The following PRKCA variants were observed in gnomAD, a reference collection of about 807,000 sequenced individuals.
PRKCA encodes protein kinase C alpha type.
In PRKCA, 27 loss-of-function variants were observed where a neutral mutation model predicts 87.0. The ratio of observed to expected loss-of-function variants is 0.31; its 90% CI spans 0.23 to 0.43. The LOEUF (loss-of-function observed/expected upper bound fraction) is 0.43, where lower values mean the gene tolerates loss of function less well. Among genes scored for constraint, PRKCA ranks in the 20% least tolerant of loss-of-function variants. PRKCA has a pLI of 1.00. For missense variants in PRKCA, 518 were observed against 852.3 expected, an observed-to-expected ratio of 0.61 and a Z score of 4.88; for synonymous variants, 329 against 311.1, an observed-to-expected ratio of 1.06 and a Z score of -0.61.
intron 2 of PRKCA, among the ~76,000 whole-genome samples, chr17:66,385,981 A>G (rs1328944553): frequency 6.6e-6 from 1 of 151,844 alleles, no homozygotes. Flanking sequence ...ACTGGTCTTG[A>G]ACTCCTGACC....
At chr17:66,518,953 T>G (rs1390168490) in intron 3 of PRKCA, among the ~76,000 whole-genome samples, 1 of 152,212 alleles carries the variant, frequency 6.6e-6, no homozygotes, top group Non-Finnish European at 1.5e-5. Flanking sequence ...TATCAAGTGT[T>G]GTGCTATGAT....
At chr17:66,417,999 G>T (rs189786162) in intron 2 of PRKCA, among the ~76,000 whole-genome samples, 120 of 152,222 alleles carry the variant, frequency 7.9e-4, no homozygotes, top group African/African-American at 2.8e-3. Flanking sequence ...CCCCAAATTA[G>T]CCATGTTTGA....
intron 2 of PRKCA, among the ~76,000 whole-genome samples, chr17:66,374,839 T>C (rs936783424): frequency 6.6e-6 from 1 of 150,408 alleles, no homozygotes; most frequent in Non-Finnish European, 1.5e-5. Context: ...GCAGTTCTCA[T>C]GTGTCAGTCT....
At chr17:66,781,112 A>G (rs1568030192) in intron 14 of PRKCA, among the ~76,000 whole-genome samples, 1 of 152,150 alleles carries the variant, frequency 6.6e-6, no homozygotes, top group East Asian at 1.9e-4. Context: ...AAAATAAAAA[A>G]TATAAAAATA....
intron 2 of PRKCA, among the ~76,000 whole-genome samples, chr17:66,440,911 C>A (rs1913703556): frequency 6.6e-6 from 1 of 151,912 alleles, no homozygotes; most frequent in Non-Finnish European, 1.5e-5. Context: ...GCCTGTAATC[C>A]CAGCATTTTG....
intron 5 of PRKCA, chr17:66,676,567 A>G (rs1972339806): frequency 6.6e-6 from 1 of 152,244 alleles, no homozygotes; most frequent in African/African-American, 2.4e-5. Flanking sequence ...GGCCCTGTGG[A>G]TGTCCTACGG....
Position 66,796,811 on chromosome 17 carries a change from C to T in PRKCA, c.1855-7062C>T, listed in dbSNP as rs900595682. ...GCGATGCGGTTGCTAAGGCGCTCCA[C>T]TGTACCCCAGCACTGGGACCTGAAT... On this transcript the variant is annotated intron_variant, in intron 16 of 16. Transcript: ENST00000413366. 55 of 985,284 alleles carry T rather than the reference C, an allele frequency of 5.6e-5. No homozygotes were observed. In the Admixed American group the frequency reaches 2.5e-3, roughly 45 times the overall value. 61.0% of individuals were successfully genotyped at this position (985,284 alleles called of 1,614,324 possible).
chr17:66,493,484 TTCCATCACA>T lies in PRKCA; in HGVS notation c.206-2715_206-2707del, dbSNP rs1414665562. On this transcript the variant is annotated intron_variant, in intron 2 of 16. Coordinates refer to ENST00000413366, the MANE Select transcript of PRKCA (RefSeq NM_002737.3). ...CAGCAACTCTTAGCATGAATCCTGATTCCATCACATGGTGACTCAGCCTTGGGAAAGACC... is the reference window on the plus strand; with the variant it reads ...CAGCAACTCTTAGCATGAATCCTGATTGGTGACTCAGCCTTGGGAAAGACC... Among the ~76,000 whole-genome samples the T allele has an allele frequency of 1.3e-5, 2 of 152,052 alleles. 1 individual carries two copies. The highest frequency in any genetic ancestry group is 3.9e-4 in the East Asian group (2 of 5,180).
intron 3 of PRKCA, 146 bp from the exon 4 acceptor site, chr17:66,641,209 A>T: frequency 1.9e-6 from 1 of 535,864 alleles, no homozygotes; most frequent in Non-Finnish European, 3.4e-6. Flanking sequence ...ACCACCACCC[A>T]TTGTGTGACT....
At chr17:66,677,531 A>G (rs189004480) in intron 5 of PRKCA, 7 of 152,350 alleles carry the variant, frequency 4.6e-5, no homozygotes, top group Admixed American at 3.3e-4. Flanking sequence ...GGCTCTTTTT[A>G]GAAAAGGTTT....
chr17:66,503,215 C>A (rs1216116533), intron 3 of PRKCA, among the ~76,000 whole-genome samples: 1 of 152,074 alleles, frequency 6.6e-6, no homozygotes, highest in Non-Finnish European at 1.5e-5. Flanking sequence ...TTTTTATTTG[C>A]CCCATGTGTT....
chr17:66,352,561 T>TTTG (rs1907810793), intron 2 of PRKCA, among the ~76,000 whole-genome samples: 1 of 128,932 alleles, frequency 7.8e-6, no homozygotes, highest in Non-Finnish European at 1.7e-5. Context: ...TTTTGAGGTT[T>TTTG]TTTTTTTTTT....
At chr17:66,595,601 AG>A (rs1969951320) in intron 3 of PRKCA, among the ~76,000 whole-genome samples, 1 of 151,816 alleles carries the variant, frequency 6.6e-6, no homozygotes, top group African/African-American at 2.4e-5. Flanking sequence ...CTGGGACTAC[AG>A]GTGCCCGCCA....
chr17:66,409,967 A>C (rs1187489021), intron 2 of PRKCA, among the ~76,000 whole-genome samples: 1 of 152,190 alleles, frequency 6.6e-6, no homozygotes, highest in Non-Finnish European at 1.5e-5. Context: ...CAGTTAGTAG[A>C]TCGTGCTGGT....
At chr17:66,737,105 C>T (rs1339918186) in intron 10 of PRKCA, among the ~76,000 whole-genome samples, 1 of 151,772 alleles carries the variant, frequency 6.6e-6, no homozygotes, top group Non-Finnish European at 1.5e-5. Flanking sequence ...GTAATCCCAG[C>T]ACTGTGGGAG....
chr17:66,742,514 A>G (rs1974179847), intron 12 of PRKCA, 108 bp from the exon 13 acceptor site: 1 of 1,151,894 alleles, frequency 8.7e-7, no homozygotes, highest in East Asian at 2.4e-5. Context: ...TATAGTTAAT[A>G]TTGCCATTGA....
intron 3 of PRKCA, among the ~76,000 whole-genome samples, chr17:66,537,253 C>G (rs1387218349): frequency 2.0e-5 from 3 of 152,046 alleles, no homozygotes; most frequent in African/African-American, 7.3e-5. Context: ...TAAATTATTA[C>G]CATAATTTAT....
chr17:66,538,851 G>A (rs749193710), intron 3 of PRKCA, among the ~76,000 whole-genome samples: 25 of 152,290 alleles, frequency 1.6e-4, no homozygotes, highest in Admixed American at 3.3e-4. Flanking sequence ...AGTGTAATGT[G>A]CCCAGAGGAC....
At chr17:66,615,339 T>C (rs867398375) in intron 3 of PRKCA, among the ~76,000 whole-genome samples, 1 of 151,898 alleles carries the variant, frequency 6.6e-6, no homozygotes, top group South Asian at 2.1e-4. Flanking sequence ...GGGGAGTGGA[T>C]GTCGGGGTGG....
Sources: gnomAD v4.1 joint callset for allele counts (sites outside exome capture counted in the v4.1 genomes callset) on GRCh38, gnomAD v4.1.1 for gene constraint, MANE v1.5 for transcripts, NCBI Gene and HGNC (gene_info 2026-07-23, HGNC 2026-07-21) for gene names.